MAP3K4: variants seen among roughly 807,000 people sequenced by gnomAD.
MAP3K4 encodes the protein MAP three kinase 1.
A neutral mutation model predicts 185.6 loss-of-function variants in MAP3K4; 67 were observed. That is an observed-to-expected ratio of 0.36 (90% CI 0.30 to 0.44). MAP3K4 has a LOEUF of 0.44. Among genes scored for constraint, MAP3K4 ranks in the 20% least tolerant of loss-of-function variants. The pLI is 1.00. For missense variants in MAP3K4, 1,551 were observed against 1,995.1 expected, an observed-to-expected ratio of 0.78 and a Z score of 4.24; for synonymous variants, 702 against 710.4, an observed-to-expected ratio of 0.99 and a Z score of 0.19.
intron 1 of MAP3K4, among the ~76,000 whole-genome samples, chr6:161,018,784 T>C (rs1782233111): frequency 6.6e-6 from 1 of 152,176 alleles, no homozygotes; most frequent in Non-Finnish European, 1.5e-5. Flanking sequence ...CAGGAGTTGC[T>C]AAAATAGTAT....
At chr6:160,992,812 T>A (rs1780797699) in intron 1 of MAP3K4, among the ~76,000 whole-genome samples, 1 of 152,100 alleles carries the variant, frequency 6.6e-6, no homozygotes, top group South Asian at 2.1e-4. Flanking sequence ...TATTTTTATG[T>A]CTTTATTTTT....
chr6:161,096,922 T>A lies in MAP3K4; in HGVS notation c.3428-158T>A, dbSNP rs1034490367. On this transcript the variant is annotated intron_variant, in intron 15 of 26. Coordinates refer to ENST00000392142, the MANE Select transcript of MAP3K4 (RefSeq NM_005922.4). This position sits in a 1 kb window ranked among gnomAD's most constrained non-coding sequence, Gnocchi z 4.9. ...TTTTAAAAAGTGACATTTTCCATAA[T>A]ATTTGTATATGTAATATTATTTTTT... 3.7e-6 allele frequency: 2 copies of A among 538,236 alleles called. No homozygotes were observed. The highest frequency in any genetic ancestry group is 2.8e-5 in the East Asian group (1 of 35,186). The allele number at this position is 538,236 out of a possible 1,614,324, so 33.3% of individuals were successfully genotyped here.
At chr6:161,015,538 A>T (rs1782053886) in intron 1 of MAP3K4, among the ~76,000 whole-genome samples, 1 of 152,142 alleles carries the variant, frequency 6.6e-6, no homozygotes, top group Non-Finnish European at 1.5e-5. Context: ...TAAAGAAAAG[A>T]GGTTTACTTA....
rs1777913517 is a variant in MAP3K4, at chr6:161,103,240, G to A, written c.3856+461G>A. On this transcript the variant is annotated intron_variant, in intron 19 of 26. Coordinates refer to ENST00000392142, the MANE Select transcript of MAP3K4 (RefSeq NM_005922.4). This position sits in a 1 kb window ranked among gnomAD's most constrained non-coding sequence, Gnocchi z 4.6. ...TTTTGCTCAACAATATTGAGCAGTA[G>A]GCAAAATAGATGTTCTCTTTTTATA... 6.6e-6 allele frequency among the ~76,000 whole-genome samples: 1 copy of A among 152,162 alleles called. No individual in the cohort carries two copies. The highest frequency in any genetic ancestry group is 1.5e-5 in the Non-Finnish European group (1 of 68,038).
chr6:161,092,106 C>T lies in MAP3K4; in HGVS notation c.3232C>T (p.Leu1078=), dbSNP rs1484650120. 1 of 1,613,700 alleles carries T rather than the reference C, an allele frequency of 6.2e-7. No homozygotes were observed. The highest frequency in any genetic ancestry group is 8.5e-7 in the Non-Finnish European group (1 of 1,179,890). Residue 1078 remains leucine, a synonymous_variant, in exon 13 of 27, where the codon CTG becomes TTG. Transcript: ENST00000392142. ...TGCCCGGAAGTGGATGAATTATGTC[C>T]TGACTAAATGTGAGAGTGGTAGAGG... ...SFARKWMNYV[L]TKCESGRGTR... is the part of the protein sequence containing the mutation.
intron 1 of MAP3K4, among the ~76,000 whole-genome samples, chr6:161,015,384 G>T (rs1225270424): frequency 6.6e-6 from 1 of 152,058 alleles, no homozygotes; most frequent in Non-Finnish European, 1.5e-5. Context: ...GGGTCGATCT[G>T]TGCAGCAAAC....
chr6:161,096,688 C>T lies in MAP3K4; in HGVS notation c.3428-392C>T, dbSNP rs1777586507. On this transcript the variant is annotated intron_variant, in intron 15 of 26. Coordinates refer to ENST00000392142, the MANE Select transcript of MAP3K4 (RefSeq NM_005922.4). This position sits in a 1 kb window ranked among gnomAD's most constrained non-coding sequence, Gnocchi z 4.9. The stretch of plus-strand genomic sequence containing the variant: ...AATGACAGTGACCTCAAAGGCAGGA[C>T]CTCTTGAAATGTCGCCAGTGACCAC... 6.1e-6 allele frequency: 1 copy of T among 163,926 alleles called. No individual in the cohort carries two copies. Among genetic ancestry groups the T allele is most frequent in the Non-Finnish European group, 1.3e-5 (1 of 75,126 alleles). The allele number at this position is 163,926 out of a possible 1,614,324, so 10.2% of individuals were successfully genotyped here.
rs1032896622 is a variant in MAP3K4, at chr6:161,051,666, C to G, written c.1707+1687C>G. Among the ~76,000 whole-genome samples, 1 of 152,130 alleles carries G rather than the reference C, an allele frequency of 6.6e-6. No homozygotes were observed. Among genetic ancestry groups the G allele is most frequent in the South Asian group, 2.1e-4 (1 of 4,824 alleles). On this transcript the variant is annotated intron_variant, in intron 3 of 26. Coordinates refer to ENST00000392142, the MANE Select transcript of MAP3K4 (RefSeq NM_005922.4). This position sits in a 1 kb window ranked among gnomAD's most constrained non-coding sequence, Gnocchi z 4.2. Reference sequence around the variant, plus strand: ...GTATCTCATCCCAGGGGGATTTGTTCCAGGACCCCCATGGACACTCAAATC... The same window carrying G: ...GTATCTCATCCCAGGGGGATTTGTTGCAGGACCCCCATGGACACTCAAATC...
rs140291284 is a variant in MAP3K4 at position 161,087,856 on chromosome 6, C to A, written c.2725C>A (p.Arg909=). ...TCTGCTTCTGACCAAGCACGGTGAT[C>A]GAGCCCGTGATTCAGAGGACAGCTG... The part of the protein sequence containing the change: ...AYLLLTKHGD[R]ARDSEDSWGT... The change falls in exon 10 of 27, where the codon CGA becomes AGA. Residue 909 remains arginine (R), a synonymous_variant. Transcript: ENST00000392142. The surrounding 1 kb of genome is among the most constrained non-coding windows in gnomAD (Gnocchi z 4.9). 1 of 1,614,098 alleles carries A rather than the reference C, an allele frequency of 6.2e-7. No homozygotes were observed. Among genetic ancestry groups the A allele is most frequent in the Non-Finnish European group, 8.5e-7 (1 of 1,180,026 alleles).
chr6:161,095,994 C>A (rs1777550977), intron 15 of MAP3K4, among the ~76,000 whole-genome samples: 1 of 152,036 alleles, frequency 6.6e-6, no homozygotes, highest in Non-Finnish European at 1.5e-5. Flanking sequence ...ATTAAAGACT[C>A]ACCAAATCTT....
rs202024702 is a variant in MAP3K4 at position 161,105,856 on chromosome 6, G to C, written c.3857-658G>C. Reference sequence around the variant, plus strand: ...GTTTTTTGTTTTTTTTTTTTTTTGAGACCTGGTCTTACTCTGTCACCCATG... The same window carrying C: ...GTTTTTTGTTTTTTTTTTTTTTTGACACCTGGTCTTACTCTGTCACCCATG... On this transcript the variant is annotated intron_variant, in intron 19 of 26. Coordinates refer to ENST00000392142, the MANE Select transcript of MAP3K4 (RefSeq NM_005922.4). 1.2e-4 allele frequency among the ~76,000 whole-genome samples: 17 copies of C among 142,724 alleles called. No individual in the cohort carries two copies. In the East Asian group the frequency reaches 2.7e-3, roughly 23 times the overall value. The allele number at this position is 142,724 out of a possible 152,430, so 93.6% of individuals were successfully genotyped here. A position where few individuals can be genotyped will look rare whatever the true frequency, so the allele number is the denominator to read the frequency against.
In MAP3K4 at chr6:161,096,983, G is replaced by T. The variant is rs934288260; in HGVS notation, c.3428-97G>T. 2 of 956,822 alleles carry T rather than the reference G, an allele frequency of 2.1e-6. No homozygotes were observed. The highest frequency in any genetic ancestry group is 3.2e-5 in the African/African-American group (2 of 62,544). 59.3% of individuals were successfully genotyped at this position (956,822 alleles called of 1,614,324 possible). On this transcript the variant is annotated intron_variant, in intron 15 of 26. Coordinates refer to ENST00000392142, the MANE Select transcript of MAP3K4 (RefSeq NM_005922.4). The surrounding 1 kb of genome is among the most constrained non-coding windows in gnomAD (Gnocchi z 4.9). ...ATGGACTTACCTTGGTCATTGGCCA[G>T]AATAAGTGACATTCTATTTTCCATT...
chr6:160,997,439 A>C (rs1397155080), intron 1 of MAP3K4, among the ~76,000 whole-genome samples: 2 of 152,230 alleles, frequency 1.3e-5, no homozygotes, highest in Non-Finnish European at 2.9e-5. Flanking sequence ...CCACATCAGA[A>C]TTCTATCCAG....
At chr6:161,030,219 T>C (rs1178478220) in intron 1 of MAP3K4, among the ~76,000 whole-genome samples, 1 of 152,136 alleles carries the variant, frequency 6.6e-6, no homozygotes, top group Non-Finnish European at 1.5e-5. Context: ...CCCTGTTTTT[T>C]TATTTCTCCC....
Position 161,007,346 on chromosome 6 carries a change from T to C in MAP3K4, c.152+15263T>C, listed in dbSNP as rs1340205207. 6.6e-6 allele frequency among the ~76,000 whole-genome samples: 1 copy of C among 152,132 alleles called. No homozygotes were observed. Among genetic ancestry groups the C allele is most frequent in the Admixed American group, 6.6e-5 (1 of 15,266 alleles). ...ATGTCTTGAAGAGGAGGGAGAAACT[T>C]AGGGTTTTATAAAACGTGGGAATTA... On this transcript the variant is annotated intron_variant, in intron 1 of 26. Coordinates refer to ENST00000392142, the MANE Select transcript of MAP3K4 (RefSeq NM_005922.4). The surrounding 1 kb of genome is among the most constrained non-coding windows in gnomAD (Gnocchi z 4.5).
In MAP3K4 at chr6:161,053,499, A is replaced by G. The variant is rs144009962; in HGVS notation, c.1707+3520A>G. 7.5e-3 allele frequency among the ~76,000 whole-genome samples: 1,144 copies of G among 152,316 alleles called. 17 individuals are homozygous for G. The highest frequency in any genetic ancestry group is 0.026 in the African/African-American group (1,098 of 41,578). On this transcript the variant is annotated intron_variant, in intron 3 of 26. Coordinates refer to ENST00000392142, the MANE Select transcript of MAP3K4 (RefSeq NM_005922.4). The surrounding 1 kb of genome is among the most constrained non-coding windows in gnomAD (Gnocchi z 4.2). ...GTGCAACTGTATTTTTATTTTTAAG[A>G]TATCTTCTGCCTTTTAACCTCTGCC...
intron 1 of MAP3K4, among the ~76,000 whole-genome samples, chr6:161,019,616 C>T (rs1326444061): frequency 2.0e-5 from 3 of 152,172 alleles, no homozygotes; most frequent in Admixed American, 2.0e-4. Context: ...ACCATGTTGG[C>T]TTGGCCGGTC....
intron 1 of MAP3K4, among the ~76,000 whole-genome samples, chr6:161,002,842 C>T (rs1359384435): frequency 6.6e-6 from 1 of 152,160 alleles, no homozygotes; most frequent in Non-Finnish European, 1.5e-5. Context: ...CCACCCGCCT[C>T]AGCCTCCCAA....
In MAP3K4 at chr6:161,071,885, C is replaced by T. The variant is rs535553427; in HGVS notation, c.1950+1035C>T. ...TAGGACATTTTGGGAAAATACTTCTCAGCTTCCTTCTTTATGAAAGAAATA... is the reference window on the plus strand; with the variant it reads ...TAGGACATTTTGGGAAAATACTTCTTAGCTTCCTTCTTTATGAAAGAAATA... On this transcript the variant is annotated intron_variant, in intron 4 of 26. Transcript: ENST00000392142. This position sits in a 1 kb window ranked among gnomAD's most constrained non-coding sequence, Gnocchi z 4.6. Among the ~76,000 whole-genome samples the T allele has an allele frequency of 2.7e-4, 41 of 152,306 alleles. No homozygotes were observed. The highest frequency in any genetic ancestry group is 9.9e-4 in the African/African-American group (41 of 41,574).
Sources: gnomAD v4.1 joint callset for allele counts (sites outside exome capture counted in the v4.1 genomes callset) on GRCh38, gnomAD v4.1.1 for gene constraint, Gnocchi (gnomAD v3.1) non-coding constraint, MANE v1.5 for transcripts, NCBI Gene and HGNC (gene_info 2026-07-23, HGNC 2026-07-21) for gene names.